Variants in FGF14 observed in about 807,000 individuals in gnomAD.
The protein encoded by FGF14 is fibroblast growth factor homologous factor 4.
Under a neutral mutation model 25.5 loss-of-function variants are expected in FGF14, and 5 were observed. That is an observed-to-expected ratio of 0.20 (90% CI 0.10 to 0.41). FGF14 has a LOEUF of 0.41. FGF14 is among the 10% of genes least tolerant of loss of function. FGF14 has a pLI of 1.00. For missense variants in FGF14, 222 were observed against 320.1 expected, an observed-to-expected ratio of 0.69 and a Z score of 2.34; for synonymous variants, 138 against 118.3, an observed-to-expected ratio of 1.17 and a Z score of -1.08.
intron 1 of FGF14, among the ~76,000 whole-genome samples, chr13:102,398,894 T>TA (rs1241418367): frequency 2.1e-5 from 3 of 143,446 alleles, no homozygotes; most frequent in African/African-American, 5.0e-5. Flanking sequence ...ATGTATAATA[T>TA]ATAATATATA....
chr13:102,023,930 T>C (rs2040798861), intron 1 of FGF14, among the ~76,000 whole-genome samples: 1 of 152,026 alleles, frequency 6.6e-6, no homozygotes, highest in Non-Finnish European at 1.5e-5. Flanking sequence ...GAAGGGAGAA[T>C]AGTTGTGGTC....
chr13:102,007,749 T>A (rs1210069980), intron 1 of FGF14, among the ~76,000 whole-genome samples: 1 of 152,210 alleles, frequency 6.6e-6, no homozygotes, highest in Non-Finnish European at 1.5e-5. Context: ...CACAGGGGGT[T>A]ATTAACTTTT....
At chr13:101,902,579 T>C (rs2031709882) in intron 1 of FGF14, among the ~76,000 whole-genome samples, 1 of 152,224 alleles carries the variant, frequency 6.6e-6, no homozygotes, top group African/African-American at 2.4e-5. Flanking sequence ...ATATGTTTAA[T>C]CAAACCATCT....
At chr13:102,233,051 T>C (rs1003883330) in intron 1 of FGF14, among the ~76,000 whole-genome samples, 1 of 152,124 alleles carries the variant, frequency 6.6e-6, no homozygotes, top group Non-Finnish European at 1.5e-5. Flanking sequence ...CAGTGCAGCC[T>C]CCTCTGGTCC....
chr13:102,014,088 A>G (rs1374709326), intron 1 of FGF14, among the ~76,000 whole-genome samples: 1 of 152,178 alleles, frequency 6.6e-6, no homozygotes, highest in East Asian at 1.9e-4. Flanking sequence ...GTTAATGAAC[A>G]TTAAGGTCAA....
At chr13:102,020,921 A>G (rs1169037278) in intron 1 of FGF14, among the ~76,000 whole-genome samples, 1 of 124,434 alleles carries the variant, frequency 8.0e-6, no homozygotes, top group Admixed American at 8.5e-5. Context: ...GAACACAGAG[A>G]TAAAAAAAAA....
intron 1 of FGF14, among the ~76,000 whole-genome samples, chr13:102,091,803 C>T (rs1018929050): frequency 2.6e-5 from 4 of 152,062 alleles, no homozygotes; most frequent in Non-Finnish European, 4.4e-5. Context: ...TCTTTTTCTA[C>T]CCTTTAAGTT....
chr13:101,991,038 G>A (rs1389412756), intron 1 of FGF14, among the ~76,000 whole-genome samples: 1 of 151,988 alleles, frequency 6.6e-6, no homozygotes, highest in African/African-American at 2.4e-5. Context: ...GAGCACAATG[G>A]AGCACAATAC....
At chr13:102,133,374 T>C (rs2046280600) in intron 1 of FGF14, among the ~76,000 whole-genome samples, 1 of 152,200 alleles carries the variant, frequency 6.6e-6, no homozygotes, top group Non-Finnish European at 1.5e-5. Context: ...AAATCAGACT[T>C]ACGAATGTCT....
chr13:102,148,176 A>G (rs924267405), intron 1 of FGF14, among the ~76,000 whole-genome samples: 3 of 152,134 alleles, frequency 2.0e-5, no homozygotes, highest in African/African-American at 7.2e-5. Context: ...TTACTCTCTA[A>G]AATCTTATCT....
chr13:101,747,619 A>G (rs1206925733), intron 3 of FGF14, among the ~76,000 whole-genome samples: 2 of 152,046 alleles, frequency 1.3e-5, no homozygotes, highest in African/African-American at 4.8e-5. Context: ...GCTGATCATC[A>G]TTAAAATAAA....
intron 1 of FGF14, among the ~76,000 whole-genome samples, 178 bp from the exon 2 acceptor site, chr13:101,875,474 A>T (rs1463624133): frequency 6.6e-6 from 1 of 152,136 alleles, no homozygotes; most frequent in Admixed American, 6.5e-5. Flanking sequence ...TATAGAAGGT[A>T]AAGGAAATGC....
chr13:101,894,314 G>C (rs1178760282), intron 1 of FGF14, among the ~76,000 whole-genome samples: 3 of 152,130 alleles, frequency 2.0e-5, no homozygotes, highest in Admixed American at 6.6e-5. Context: ...TGTGATTATT[G>C]TCATGATACT....
At chr13:102,106,359 T>A (rs2044914290) in intron 1 of FGF14, among the ~76,000 whole-genome samples, 1 of 152,024 alleles carries the variant, frequency 6.6e-6, no homozygotes. Context: ...TCACTTGAGG[T>A]CAGGAGTTCG....
intron 3 of FGF14, among the ~76,000 whole-genome samples, chr13:101,827,307 A>C (rs2042436244): frequency 6.6e-6 from 1 of 152,026 alleles, no homozygotes; most frequent in Non-Finnish European, 1.5e-5. Context: ...TGTTATTGAC[A>C]AAATAGTTAC....
At chr13:102,116,293 T>C (rs1292828488) in intron 1 of FGF14, among the ~76,000 whole-genome samples, 1 of 152,138 alleles carries the variant, frequency 6.6e-6, no homozygotes, top group Non-Finnish European at 1.5e-5. Flanking sequence ...GGAAAACAGT[T>C]TGAGAGTTCC....
chr13:102,226,969 T>C (rs913387813), intron 1 of FGF14, among the ~76,000 whole-genome samples: 10 of 152,210 alleles, frequency 6.6e-5, no homozygotes, highest in Non-Finnish European at 1.3e-4. Context: ...AACATTAAGA[T>C]CATATTTAAC....
chr13:102,164,402 G>A (rs2047909807), intron 1 of FGF14, among the ~76,000 whole-genome samples: 1 of 152,084 alleles, frequency 6.6e-6, no homozygotes, highest in South Asian at 2.1e-4. Context: ...CTCCCTTAGA[G>A]ACCTTGCGAC....
At chr13:102,244,117 C>G (rs1484368985) in intron 1 of FGF14, among the ~76,000 whole-genome samples, 1 of 152,036 alleles carries the variant, frequency 6.6e-6, no homozygotes, top group Non-Finnish European at 1.5e-5. Context: ...AATGAGAGTA[C>G]TACAAACGCG....
Sources: allele counts gnomAD v4.1 joint callset (sites outside exome capture counted in the v4.1 genomes callset), GRCh38; gene constraint gnomAD v4.1.1; transcripts MANE v1.5; gene names NCBI Gene and HGNC (gene_info 2026-07-23, HGNC 2026-07-21).